LRRTM4: variants seen among roughly 807,000 people sequenced by gnomAD.
The protein encoded by LRRTM4 is leucine-rich repeat transmembrane neuronal protein 4.
A neutral mutation model predicts 47.6 loss-of-function variants in LRRTM4; 25 were observed. The ratio of observed to expected loss-of-function variants is 0.53; its 90% CI spans 0.38 to 0.73. LRRTM4 has a LOEUF of 0.73. LRRTM4 is among the 30% of genes least tolerant of loss of function. The pLI, the probability that LRRTM4 is intolerant of heterozygous loss-of-function variation, is 0.00. For missense variants in LRRTM4, 638 were observed against 713.4 expected, an observed-to-expected ratio of 0.89 and a Z score of 1.20; for synonymous variants, 311 against 269.5, an observed-to-expected ratio of 1.15 and a Z score of -1.51.
chr2:77,068,835 T>C (rs11126580), intron 3 of LRRTM4, among the ~76,000 whole-genome samples: 66,336 of 152,098 alleles, frequency 0.44, 17,907 homozygotes, highest in African/African-American at 0.75. Context: ...CCATAAGGCC[T>C]ACGCTGGAAG....
At position 77,226,737 on chromosome 2, in the gene LRRTM4, A is replaced by T. The variant is rs115207815; in HGVS notation, c.1551+291581T>A. The stretch of plus-strand genomic sequence containing the variant: ...TTCTCAAGTCCAACAGACATCCTAT[A>T]AACCTCTTTTTGACATACATTGAAT... On this transcript the variant is annotated intron_variant, in intron 3 of 3. Coordinates refer to ENST00000409884, the MANE Select transcript of LRRTM4 (RefSeq NM_001134745.3). Among the ~76,000 whole-genome samples the T allele has an allele frequency of 3.2e-3, 485 of 152,108 alleles. 2 individuals carry two copies. Among genetic ancestry groups the T allele is most frequent in the Non-Finnish European group, 5.4e-3 (364 of 67,942 alleles).
At chr2:76,850,489 T>C (rs1461280375) in intron 3 of LRRTM4, among the ~76,000 whole-genome samples, 1 of 152,194 alleles carries the variant, frequency 6.6e-6, no homozygotes, top group East Asian at 1.9e-4. Context: ...TGCCAGTTGA[T>C]AATTGGGGAT....
chr2:77,185,111 C>T (rs994818859), intron 3 of LRRTM4, among the ~76,000 whole-genome samples: 2 of 152,132 alleles, frequency 1.3e-5, no homozygotes, highest in African/African-American at 4.8e-5. Context: ...TCATTTTCTA[C>T]AGTGGGAAGA....
intron 3 of LRRTM4, among the ~76,000 whole-genome samples, chr2:76,796,620 T>A (rs1262069109): frequency 5.6e-5 from 6 of 107,780 alleles, no homozygotes; most frequent in Non-Finnish European, 7.0e-5. Flanking sequence ...GAAGGAAAAC[T>A]AACAAACAGA....
At chr2:76,910,209 A>C (rs2103776159) in intron 3 of LRRTM4, among the ~76,000 whole-genome samples, 1 of 152,278 alleles carries the variant, frequency 6.6e-6, no homozygotes, top group Non-Finnish European at 1.5e-5. Flanking sequence ...ACATGGATGA[A>C]ATTGGAAATC....
intron 3 of LRRTM4, among the ~76,000 whole-genome samples, chr2:76,894,603 T>C (rs926461630): frequency 6.6e-6 from 1 of 151,976 alleles, no homozygotes; most frequent in African/African-American, 2.4e-5. Context: ...TTTCTATTTC[T>C]AGGATGGGCA....
At chr2:77,515,592 G>A (rs1679176189) in intron 3 of LRRTM4, among the ~76,000 whole-genome samples, 1 of 151,300 alleles carries the variant, frequency 6.6e-6, no homozygotes, top group African/African-American at 2.4e-5. Context: ...AGAGTTTGGT[G>A]TTTTTAATTT....
rs144864052 is a variant in LRRTM4, at chr2:76,976,645, T to A, written c.1552-227729A>T. 1.2e-3 allele frequency among the ~76,000 whole-genome samples: 181 copies of A among 151,874 alleles called. 1 individual carries two copies. The highest frequency in any genetic ancestry group is 4.2e-3 in the African/African-American group (176 of 41,522). On this transcript the variant is annotated intron_variant, in intron 3 of 3. Coordinates refer to ENST00000409884, the MANE Select transcript of LRRTM4 (RefSeq NM_001134745.3). ...TACTCACCCACACCATTTATCTGAT[T>A]TCATCCATTTCTATGGCATTCAAAG...
At chr2:76,908,556 C>T (rs1038688851) in intron 3 of LRRTM4, among the ~76,000 whole-genome samples, 6 of 151,910 alleles carry the variant, frequency 3.9e-5, no homozygotes, top group Admixed American at 3.9e-4. Flanking sequence ...TCAAAGTGTC[C>T]CTGTTTGCAG....
At chr2:77,285,452 T>G (rs1040340712) in intron 3 of LRRTM4, among the ~76,000 whole-genome samples, 1 of 148,872 alleles carries the variant, frequency 6.7e-6, no homozygotes, top group African/African-American at 2.5e-5. Context: ...ATACTAAAAA[T>G]AGATCCTGGC....
chr2:77,098,495 T>A (rs1033805647), intron 3 of LRRTM4, among the ~76,000 whole-genome samples: 5 of 152,110 alleles, frequency 3.3e-5, no homozygotes, highest in Admixed American at 3.3e-4. Context: ...AGAGACAAAA[T>A]TTATAGTTGT....
intron 3 of LRRTM4, among the ~76,000 whole-genome samples, chr2:77,019,098 T>A (rs1678175832): frequency 1.3e-5 from 2 of 151,946 alleles, no homozygotes; most frequent in South Asian, 2.1e-4. Flanking sequence ...CAGTGCTATA[T>A]GAAAAACTTC....
intron 3 of LRRTM4, among the ~76,000 whole-genome samples, chr2:77,315,166 T>C (rs559463230): frequency 2.7e-4 from 41 of 152,300 alleles, no homozygotes; most frequent in Admixed American, 7.8e-4. Flanking sequence ...AATATGTTAT[T>C]ATGCAAAGTT....
At chr2:77,198,561 T>C (rs1558629918) in intron 3 of LRRTM4, among the ~76,000 whole-genome samples, 1 of 152,184 alleles carries the variant, frequency 6.6e-6, no homozygotes, top group Admixed American at 6.6e-5. Context: ...AAGTTGAACA[T>C]TTTCTATTTG....
intron 3 of LRRTM4, among the ~76,000 whole-genome samples, chr2:76,993,307 A>T (rs1485008839): frequency 6.6e-6 from 1 of 151,896 alleles, no homozygotes; most frequent in Admixed American, 6.6e-5. Context: ...CAGGATAAAA[A>T]AAGCTATCAG....
intron 3 of LRRTM4, among the ~76,000 whole-genome samples, chr2:77,231,062 A>G (rs1674948371): frequency 6.6e-6 from 1 of 152,184 alleles, no homozygotes; most frequent in East Asian, 1.9e-4. Context: ...ATAATTTTAA[A>G]ATATTTGTTT....
chr2:76,861,089 G>T (rs1168658133), intron 3 of LRRTM4, among the ~76,000 whole-genome samples: 2 of 151,958 alleles, frequency 1.3e-5, no homozygotes, highest in Non-Finnish European at 2.9e-5. Context: ...CTATTTACTG[G>T]TAAGTGTTTT....
rs201509940 is a variant in LRRTM4 at position 76,981,856 on chromosome 2, CAATAT to C, written c.1552-232945_1552-232941del. On this transcript the variant is annotated intron_variant, in intron 3 of 3. Transcript: ENST00000409884. ...CTTCTATGTAGAGCAATGGAACATA[CAATAT>C]GAGTTTTGTTTTAAACATTAGATAA... is the stretch of plus-strand genomic sequence containing the variant. Among the ~76,000 whole-genome samples, 102 of 151,936 alleles carry C rather than the reference CAATAT, an allele frequency of 6.7e-4. 6 individuals carry two copies. The East Asian group carries it at 0.02, about 29-fold the overall frequency.
intron 3 of LRRTM4, among the ~76,000 whole-genome samples, chr2:76,939,251 G>C (rs1022098561): frequency 6.6e-6 from 1 of 152,034 alleles, no homozygotes; most frequent in Non-Finnish European, 1.5e-5. Context: ...TTTGTTTCTT[G>C]CTCAGATAAC....
Sources: allele counts gnomAD v4.1 joint callset (sites outside exome capture counted in the v4.1 genomes callset), GRCh38; gene constraint gnomAD v4.1.1; transcripts MANE v1.5; gene names NCBI Gene and HGNC (gene_info 2026-07-23, HGNC 2026-07-21).